The following FBXL13 variants were observed in gnomAD, a reference collection of about 807,000 sequenced individuals.
FBXL13 encodes the protein F-box and leucine rich repeat protein 13.
FBXL13 carries 67 observed loss-of-function variants against 83.6 expected under a neutral mutation model. The ratio of observed to expected loss-of-function variants is 0.80; its 90% CI spans 0.66 to 0.98. FBXL13 has a LOEUF of 0.98. Ranked by LOEUF, FBXL13 falls within the 50% of genes least tolerant of loss-of-function variation. The pLI is 0.00. For synonymous variants in FBXL13, 272 were observed against 299.5 expected (o/e 0.91, Z 0.95); for missense variants, 822 against 866.5 (o/e 0.95, Z 0.64).
chr7:103,058,790 A>G (rs1797584900), intron 1 of FBXL13, among the ~76,000 whole-genome samples: 1 of 152,192 alleles, frequency 6.6e-6, no homozygotes, highest in African/African-American at 2.4e-5. Context: ...GAAAGTTGAG[A>G]TCTGGTTAAT....
intron 11 of FBXL13, among the ~76,000 whole-genome samples, chr7:102,902,850 G>T (rs1195153945): frequency 6.6e-6 from 1 of 152,090 alleles, no homozygotes; most frequent in Admixed American, 6.6e-5. Context: ...TTGAAGTTAG[G>T]TAATGTGATT....
downstream of FBXL13, chr7:102,813,171 CAGAAGA>C: frequency 1.5e-6 from 1 of 661,392 alleles, no homozygotes; most frequent in East Asian, 2.9e-5. Context: ...ATTATTTAGA[CAGAAGA>C]ACTACTGATG....
At chr7:102,837,553 C>A (rs1475131212) in intron 17 of FBXL13, among the ~76,000 whole-genome samples, 1 of 152,166 alleles carries the variant, frequency 6.6e-6, no homozygotes, top group African/African-American at 2.4e-5. Context: ...CTTTCAAATT[C>A]TTATAAGCTT....
At chr7:102,919,346 T>A (rs1229129485) in intron 10 of FBXL13, among the ~76,000 whole-genome samples, 1 of 152,166 alleles carries the variant, frequency 6.6e-6, no homozygotes, top group Non-Finnish European at 1.5e-5. Context: ...AGAGACAACT[T>A]TGAAGGACAG....
intron 6 of FBXL13, chr7:102,978,359 T>G (rs1489401547): frequency 6.6e-6 from 1 of 152,112 alleles, no homozygotes; most frequent in African/African-American, 2.4e-5. Flanking sequence ...CTTGAAGGAA[T>G]GAATAACTCC....
chr7:102,819,946 C>A (rs1798573488), intron 19 of FBXL13, among the ~76,000 whole-genome samples: 2 of 152,160 alleles, frequency 1.3e-5, no homozygotes, highest in Admixed American at 1.3e-4. Context: ...TGCAACTAGG[C>A]CCCCTTACAG....
intron 9 of FBXL13, among the ~76,000 whole-genome samples, chr7:102,930,310 C>T (rs1818928172): frequency 1.3e-5 from 2 of 151,998 alleles, no homozygotes; most frequent in Middle Eastern, 3.4e-3. Flanking sequence ...CTCCTATTCC[C>T]TCCTATCTCG....
chr7:102,859,307 AT>A (rs980652358), intron 16 of FBXL13, among the ~76,000 whole-genome samples: 1 of 152,158 alleles, frequency 6.6e-6, no homozygotes, highest in Admixed American at 6.5e-5. Flanking sequence ...TCCACTAAAA[AT>A]TGCCTCATGC....
At chr7:102,874,409 C>CA (rs1458514565) in intron 16 of FBXL13, 1 of 974,462 alleles carries the variant, frequency 1.0e-6, no homozygotes, top group Non-Finnish European at 1.2e-6. Flanking sequence ...AAGAAAACAA[C>CA]AGAAGACTTA....
rs747728695 is a variant in FBXL13, at chr7:102,973,724, C to T, written c.496-5607G>A. ...CCGGACAAAGGAAGCTCCTCAGCCT[C>T]CAGTTGCTTCTCTGTGCATGCACAT... On this transcript the variant is annotated intron_variant, in intron 6 of 19. Transcript: ENST00000313221. 14 of 766,350 alleles carry T rather than the reference C, an allele frequency of 1.8e-5. No individual in the cohort carries two copies. In the South Asian group the frequency reaches 1.9e-4, roughly 10 times the overall value. The allele number at this position is 766,350 out of a possible 1,614,324, so 47.5% of individuals were successfully genotyped here.
intron 8 of FBXL13, among the ~76,000 whole-genome samples, chr7:102,947,753 C>T (rs928169478): frequency 1.3e-5 from 2 of 151,456 alleles, no homozygotes; most frequent in Non-Finnish European, 2.9e-5. Flanking sequence ...CCTATTTGAA[C>T]GTATATATCA....
chr7:103,030,597 C>A (rs1267753934), intron 2 of FBXL13, among the ~76,000 whole-genome samples: 1 of 152,008 alleles, frequency 6.6e-6, no homozygotes, highest in Admixed American at 6.6e-5. Flanking sequence ...GATGATATTA[C>A]CTGAAAAGTC....
chr7:102,835,603 G>GTTTTTTTTTT (rs776220490), intron 17 of FBXL13, among the ~76,000 whole-genome samples: 3 of 97,512 alleles, frequency 3.1e-5, no homozygotes, highest in African/African-American at 8.2e-5. Flanking sequence ...AGGTGACATT[G>GTTTTTTTTTT]TTTTTTTTTT....
At chr7:103,062,672 ATC>A (rs1798037489) in intron 1 of FBXL13, among the ~76,000 whole-genome samples, 1 of 152,170 alleles carries the variant, frequency 6.6e-6, no homozygotes, top group Non-Finnish European at 1.5e-5. Context: ...AAATATCTTC[ATC>A]TCTATTTCTC....
intron 1 of FBXL13, among the ~76,000 whole-genome samples, chr7:103,068,915 A>G (rs1292342179): frequency 6.6e-6 from 1 of 152,230 alleles, no homozygotes; most frequent in Non-Finnish European, 1.5e-5. Context: ...CATAACCTTC[A>G]ATGTACTTGC....
At chr7:102,823,969 C>A (rs1245286228) in intron 18 of FBXL13, among the ~76,000 whole-genome samples, 2 of 152,022 alleles carry the variant, frequency 1.3e-5, no homozygotes, top group Admixed American at 6.6e-5. Flanking sequence ...AAAAAAGGCC[C>A]ACAGAATTGT....
intron 6 of FBXL13, among the ~76,000 whole-genome samples, chr7:102,990,714 C>T (rs1829472084): frequency 6.6e-6 from 1 of 152,104 alleles, no homozygotes; most frequent in African/African-American, 2.4e-5. Flanking sequence ...GACATCTGAG[C>T]TGAGCCTAAG....
intron 11 of FBXL13, among the ~76,000 whole-genome samples, chr7:102,889,459 C>T (rs946758749): frequency 1.1e-4 from 16 of 152,138 alleles, no homozygotes; most frequent in African/African-American, 3.1e-4. Flanking sequence ...ATGTGCACAA[C>T]GTGCAGGTTT....
intron 6 of FBXL13, among the ~76,000 whole-genome samples, chr7:103,020,409 T>C (rs754879828): frequency 1.6e-4 from 24 of 152,192 alleles, no homozygotes; most frequent in African/African-American, 7.2e-5. Flanking sequence ...CTTTGAAAAC[T>C]AGCACAAGAC....
Sources: gnomAD v4.1 joint callset for allele counts (sites outside exome capture counted in the v4.1 genomes callset) on GRCh38, gnomAD v4.1.1 for gene constraint, MANE v1.5 for transcripts, NCBI Gene and HGNC (gene_info 2026-07-23, HGNC 2026-07-21) for gene names.